FRAS1: variants seen among roughly 807,000 people sequenced by gnomAD.
The protein encoded by FRAS1 is extracellular matrix organizing protein FRAS1.
In FRAS1, 290 loss-of-function variants were observed where a neutral mutation model predicts 435.2. The observed-to-expected ratio is 0.67, with a 90% confidence interval of 0.61 to 0.73. The LOEUF (loss-of-function observed/expected upper bound fraction) is 0.73, where lower values mean the gene tolerates loss of function less well. FRAS1 is among the 30% of genes least tolerant of loss of function. The pLI is 0.00. For synonymous variants in FRAS1, 1,800 were observed against 1,851.0 expected, an observed-to-expected ratio of 0.97 and a Z score of 0.71; for missense variants, 4,860 against 5,001.5, an observed-to-expected ratio of 0.97 and a Z score of 0.85.
chr4:78,109,248 A>T (rs1436459992), intron 2 of FRAS1, among the ~76,000 whole-genome samples: 1 of 80,548 alleles, frequency 1.2e-5, no homozygotes, highest in South Asian at 5.6e-4. Flanking sequence ...AACTCATTTT[A>T]TGAGGCCAGC....
At chr4:78,186,905 A>G (rs1049296011) in intron 2 of FRAS1, among the ~76,000 whole-genome samples, 2 of 152,214 alleles carry the variant, frequency 1.3e-5, no homozygotes, top group African/African-American at 2.4e-5. Context: ...GCCAACATGT[A>G]TTATAGTAAT....
At position 78,497,010 on chromosome 4, in the gene FRAS1, A is replaced by T. The variant is rs757421431; in HGVS notation, c.9115+49A>T. ...TTACTCTTAGGTTGAGGGGACATAAACTGATGTTTAACTAATTATTAGTGT... is the reference window on the plus strand; with the variant it reads ...TTACTCTTAGGTTGAGGGGACATAATCTGATGTTTAACTAATTATTAGTGT... On this transcript the variant is annotated intron_variant, in intron 60 of 73. Coordinates refer to ENST00000512123, the MANE Select transcript of FRAS1 (RefSeq NM_025074.7). 9.1e-6 allele frequency: 13 copies of T among 1,431,002 alleles called. No individual in the cohort carries two copies. The Admixed American group carries it at 2.5e-4, about 27-fold the overall frequency. The allele number at this position is 1,431,002 out of a possible 1,614,324, so 88.6% of individuals were successfully genotyped here. A position where few individuals can be genotyped will look rare whatever the true frequency, so the allele number is the denominator to read the frequency against.
At chr4:78,286,056 A>C (rs1727578823) in intron 13 of FRAS1, among the ~76,000 whole-genome samples, 1 of 150,646 alleles carries the variant, frequency 6.6e-6, no homozygotes, top group Admixed American at 6.6e-5. Context: ...GGAAAAGAAC[A>C]TAGACTCCTG....
At chr4:78,505,252 C>A (rs893580647) in intron 61 of FRAS1, among the ~76,000 whole-genome samples, 15 of 152,092 alleles carry the variant, frequency 9.9e-5, no homozygotes, top group Non-Finnish European at 1.6e-4. Flanking sequence ...CTCTGTATTT[C>A]CTCAATTTGA....
At chr4:78,245,140 T>A in intron 3 of FRAS1, 93 bp from the exon 4 acceptor site, 1 of 838,294 alleles carries the variant, frequency 1.2e-6, no homozygotes, top group Non-Finnish European at 2.0e-6. Flanking sequence ...CGCATGAGAT[T>A]TAGTGAATGT....
In FRAS1 at chr4:78,432,426, G is replaced by A. The variant is rs201110914; in HGVS notation, c.5039G>A (p.Arg1680Gln). Residue 1680 changes from arginine to glutamine, a missense_variant, in exon 38 of 74, where the codon CGG (arginine) becomes CAG (glutamine). By Grantham distance (43) the Arg-to-Gln change is conservative (BLOSUM62 1). Coordinates refer to ENST00000512123, the MANE Select transcript of FRAS1 (RefSeq NM_025074.7). ...LQYIHDGSST[R>Q]EDSMEISVTD... ...TATATACATGATGGTTCCTCTACCCGGGAAGACAGCATGGAGATCTCAGTC... is the reference window on the plus strand; with the variant it reads ...TATATACATGATGGTTCCTCTACCCAGGAAGACAGCATGGAGATCTCAGTC... The A allele has an allele frequency of 1.4e-4, 221 of 1,612,118 alleles. No homozygotes were observed. The highest frequency in any genetic ancestry group is 1.7e-4 in the Non-Finnish European group (205 of 1,179,130).
chr4:78,192,140 C>T (rs1412333611), intron 2 of FRAS1, among the ~76,000 whole-genome samples: 1 of 152,156 alleles, frequency 6.6e-6, no homozygotes, highest in Non-Finnish European at 1.5e-5. Flanking sequence ...CCCACTTGAT[C>T]ATGGTGGATA....
At chr4:78,098,530 C>T (rs1741940268) in intron 2 of FRAS1, among the ~76,000 whole-genome samples, 1 of 152,126 alleles carries the variant, frequency 6.6e-6, no homozygotes, top group Non-Finnish European at 1.5e-5. Flanking sequence ...CCATCTTGGC[C>T]TCCCAAAGTG....
chr4:78,257,620 A>G (rs11736213), intron 6 of FRAS1, among the ~76,000 whole-genome samples: 88,379 of 152,056 alleles, frequency 0.58, 26,343 homozygotes, highest in Middle Eastern at 0.69. Flanking sequence ...GACAAGCTGA[A>G]AGGAAAACAA....
intron 32 of FRAS1, among the ~76,000 whole-genome samples, chr4:78,417,355 A>T (rs1267948974): frequency 6.6e-6 from 1 of 152,180 alleles, no homozygotes; most frequent in Non-Finnish European, 1.5e-5. Context: ...ATGTTCAGTT[A>T]TTATGATAGT....
chr4:78,429,415 C>T (rs1370064442), intron 36 of FRAS1, among the ~76,000 whole-genome samples, 189 bp downstream of exon 36: 1 of 152,124 alleles, frequency 6.6e-6, no homozygotes, highest in African/African-American at 2.4e-5. Flanking sequence ...GGAAATGAAG[C>T]CTTCAGAGGC....
At chr4:78,490,334 CA>C in intron 59 of FRAS1, among the ~76,000 whole-genome samples, 1 of 152,278 alleles carries the variant, frequency 6.6e-6, no homozygotes, top group Non-Finnish European at 1.5e-5. Flanking sequence ...GCTCTCCACC[CA>C]AAATCAACAG....
At chr4:78,453,198 A>G (rs1354425292) in intron 47 of FRAS1, among the ~76,000 whole-genome samples, 1 of 152,204 alleles carries the variant, frequency 6.6e-6, no homozygotes, top group Non-Finnish European at 1.5e-5. Context: ...ATTTTGAGCA[A>G]GGAAGAAAAG....
intron 1 of FRAS1, 36 bp downstream of exon 1, chr4:78,058,121 C>A (rs529437383): frequency 1.1e-5 from 11 of 978,024 alleles, no homozygotes; most frequent in Non-Finnish European, 1.6e-5. Context: ...TGTGTGTGTG[C>A]GTGTGCGTGT....
intron 2 of FRAS1, chr4:78,181,652 G>A (rs1722008305): frequency 1.9e-6 from 3 of 1,609,400 alleles, no homozygotes; most frequent in Non-Finnish European, 2.5e-6. Flanking sequence ...TTCACAAGGT[G>A]GTTGCCTTTC....
intron 3 of FRAS1, among the ~76,000 whole-genome samples, chr4:78,243,591 C>T (rs1725102279): frequency 6.6e-6 from 1 of 152,018 alleles, no homozygotes; most frequent in Non-Finnish European, 1.5e-5. Context: ...TATGTTCCAC[C>T]AGAAATTCAA....
At position 78,473,298 on chromosome 4, in the gene FRAS1, A is replaced by G. The variant is rs1333343409; in HGVS notation, c.7523-140A>G. 3.2e-5 allele frequency: 18 copies of G among 570,080 alleles called. No homozygotes were observed. In the Admixed American group the frequency reaches 4.4e-4, roughly 14 times the overall value. 35.3% of individuals were successfully genotyped at this position (570,080 alleles called of 1,614,324 possible). A position where few individuals can be genotyped will look rare whatever the true frequency, so the allele number is the denominator to read the frequency against. On this transcript the variant is annotated intron_variant, in intron 52 of 73. Transcript: ENST00000512123. Reference sequence around the variant, plus strand: ...TCTGACAGAAACATTTATTTTAACAACTACTATACTTTTGGTGCTTGGAAA... The same window carrying G: ...TCTGACAGAAACATTTATTTTAACAGCTACTATACTTTTGGTGCTTGGAAA...
At chr4:78,180,767 CTT>C (rs878901917) in intron 2 of FRAS1, 944 of 783,386 alleles carry the variant, frequency 1.2e-3, no homozygotes, top group Middle Eastern at 1.9e-3. Context: ...GAATGACAGT[CTT>C]TTTTTTTTTT....
At chr4:78,246,244 A>T (rs1725238762) in intron 4 of FRAS1, among the ~76,000 whole-genome samples, 1 of 152,174 alleles carries the variant, frequency 6.6e-6, no homozygotes, top group South Asian at 2.1e-4. Flanking sequence ...CTTCCACCTG[A>T]TACAAAACTT....
Sources: gnomAD v4.1 joint callset for allele counts (sites outside exome capture counted in the v4.1 genomes callset) on GRCh38, gnomAD v4.1.1 for gene constraint, MANE v1.5 for transcripts, NCBI Gene and HGNC (gene_info 2026-07-23, HGNC 2026-07-21) for gene names.